LUC7L2: variants seen among roughly 807,000 people sequenced by gnomAD.
LUC7L2 encodes LUC7 like 2, pre-mRNA splicing factor, also known as putative RNA-binding protein Luc7-like 2.
A neutral mutation model predicts 52.8 loss-of-function variants in LUC7L2; 25 were observed. The ratio of observed to expected loss-of-function variants is 0.47; its 90% CI spans 0.34 to 0.66. The LOEUF is 0.66. Ranked by LOEUF, LUC7L2 falls within the 30% of genes least tolerant of loss-of-function variation. LUC7L2 has a pLI of 0.01. For missense variants in LUC7L2, 328 were observed against 497.8 expected, an observed-to-expected ratio of 0.66 and a Z score of 3.25; for synonymous variants, 144 against 160.9, an observed-to-expected ratio of 0.89 and a Z score of 0.80.
intron 4 of LUC7L2, among the ~76,000 whole-genome samples, chr7:139,404,539 CCTT>C (rs1416717123): frequency 2.0e-5 from 3 of 152,224 alleles, no homozygotes; most frequent in East Asian, 3.9e-4. Context: ...AAAATTAAAA[CCTT>C]CTTTGCTAAC....
At chr7:139,360,558 C>A (rs1355698937) in intron 1 of LUC7L2, among the ~76,000 whole-genome samples, 1 of 152,060 alleles carries the variant, frequency 6.6e-6, no homozygotes, top group Non-Finnish European at 1.5e-5. Flanking sequence ...GGCCTGGAGG[C>A]AGAAAGGAGA....
chr7:139,374,546 C>T (rs190670670), intron 1 of LUC7L2: 1 of 1,545,030 alleles, frequency 6.5e-7, no homozygotes, highest in East Asian at 2.4e-5. Context: ...GGAAAAAGGA[C>T]CATCAAAATA....
intron 2 of LUC7L2, among the ~76,000 whole-genome samples, chr7:139,394,245 C>A (rs1794568789): frequency 6.6e-6 from 1 of 152,060 alleles, no homozygotes; most frequent in Non-Finnish European, 1.5e-5. Flanking sequence ...TCTTCTTTGC[C>A]CTCTTTCCTA....
At position 139,412,543 on chromosome 7, in the gene LUC7L2, T is replaced by G. The variant is rs1456704721; in HGVS notation, c.780-8T>G. 9 of 1,602,766 alleles carry G rather than the reference T, an allele frequency of 5.6e-6. No individual in the cohort carries two copies. The highest frequency in any genetic ancestry group is 1.3e-5 in the African/African-American group (1 of 74,100). ...ACTTTTCTAAAAATACATATTTTTT[T>G]TTTTTAGGTCCCGATCACACAGCAA... On this transcript the variant is annotated splice_polypyrimidine_tract_variant and splice_region_variant and intron_variant, in intron 7 of 9. Transcript: ENST00000354926.
intron 3 of LUC7L2, among the ~76,000 whole-genome samples, chr7:139,400,862 C>G (rs948566292): frequency 1.6e-4 from 24 of 152,246 alleles, no homozygotes; most frequent in African/African-American, 5.8e-4. Context: ...TTTATGTTAT[C>G]ACAGATAAAA....
chr7:139,418,212 C>T (rs1795714330), intron 9 of LUC7L2, among the ~76,000 whole-genome samples: 1 of 128,310 alleles, frequency 7.8e-6, no homozygotes, highest in Non-Finnish European at 1.5e-5. Context: ...ATACCTTCAG[C>T]TTGGCAAGGC....
intron 2 of LUC7L2, among the ~76,000 whole-genome samples, chr7:139,395,163 G>A (rs1435791375): frequency 6.6e-6 from 1 of 152,192 alleles, no homozygotes; most frequent in South Asian, 2.1e-4. Context: ...AGTTGTTGGC[G>A]TGATTGATGT....
At chr7:139,389,384 T>A (rs1051036711) in intron 2 of LUC7L2, among the ~76,000 whole-genome samples, 1 of 152,154 alleles carries the variant, frequency 6.6e-6, no homozygotes, top group Non-Finnish European at 1.5e-5. Context: ...CATCCCCTTT[T>A]CCCCCCATCA....
chr7:139,391,280 C>T (rs940554280), intron 2 of LUC7L2, among the ~76,000 whole-genome samples: 3 of 152,098 alleles, frequency 2.0e-5, no homozygotes, highest in African/African-American at 7.2e-5. Flanking sequence ...ATATAAATTC[C>T]ATAATAGTAG....
chr7:139,415,464 A>C (rs1795550625), intron 8 of LUC7L2, among the ~76,000 whole-genome samples: 1 of 152,152 alleles, frequency 6.6e-6, no homozygotes, highest in African/African-American at 2.4e-5. Flanking sequence ...ATAATAACTC[A>C]AAATGAGTGG....
chr7:139,362,640 T>C (rs77939788), intron 1 of LUC7L2, among the ~76,000 whole-genome samples: 1 of 146,162 alleles, frequency 6.8e-6, no homozygotes, highest in Non-Finnish European at 1.5e-5. Flanking sequence ...TTTTTTTTTT[T>C]AATTCCAGAG....
At chr7:139,374,031 A>G (rs1377668915) in intron 1 of LUC7L2, among the ~76,000 whole-genome samples, 2 of 152,254 alleles carry the variant, frequency 1.3e-5, no homozygotes, top group Non-Finnish European at 2.9e-5. Context: ...AAAAGCTTCT[A>G]ATTAAATAGC....
At position 139,371,720 on chromosome 7, in the gene LUC7L2, G is replaced by T. The variant is rs1386123371; in HGVS notation, c.62-4342G>T. On this transcript the variant is annotated intron_variant, in intron 1 of 9. Coordinates refer to ENST00000354926, the MANE Select transcript of LUC7L2 (RefSeq NM_016019.5). ...ATGGCAGTGTTGGGAATGACAGTGG[G>T]CTTATTTTTTCCCTCCTGATATATG... Among the ~76,000 whole-genome samples the T allele has an allele frequency of 3.3e-5, 5 of 152,180 alleles. No individual in the cohort carries two copies. The East Asian group carries it at 9.6e-4, about 29-fold the overall frequency.
At chr7:139,410,024 G>T (rs1243467231) in intron 7 of LUC7L2, among the ~76,000 whole-genome samples, 1 of 152,042 alleles carries the variant, frequency 6.6e-6, no homozygotes, top group African/African-American at 2.4e-5. Context: ...TGGCTAACAC[G>T]GTGAAACCCC....
intron 1 of LUC7L2, among the ~76,000 whole-genome samples, chr7:139,368,417 T>C (rs973898711): frequency 2.0e-5 from 3 of 152,184 alleles, no homozygotes; most frequent in African/African-American, 7.2e-5. Context: ...ACAAATGTTA[T>C]TTCGTATATT....
At chr7:139,385,311 CTTTTTTTTTTT>C (rs58744665) in intron 2 of LUC7L2, among the ~76,000 whole-genome samples, 4 of 118,562 alleles carry the variant, frequency 3.4e-5, no homozygotes, top group South Asian at 2.9e-4. Flanking sequence ...GTTAGGATTA[CTTTTTTTTTTT>C]TTTTTTTTTT....
chr7:139,356,810 G>GGACC (rs1278996575), upstream of LUC7L2, among the ~76,000 whole-genome samples: 2 of 152,100 alleles, frequency 1.3e-5, no homozygotes, highest in Non-Finnish European at 2.9e-5. Flanking sequence ...TTTGGCCTGT[G>GGACC]GACCGTAGCT....
At chr7:139,353,808 A>T (rs976981024) in intron 1 of LUC7L2, among the ~76,000 whole-genome samples, 2 of 151,780 alleles carry the variant, frequency 1.3e-5, no homozygotes, top group Non-Finnish European at 2.9e-5. Context: ...ACCCAAAAAA[A>T]ACAAAGAAAC....
chr7:139,370,747 G>T (rs1477121621), intron 1 of LUC7L2, among the ~76,000 whole-genome samples: 1 of 152,172 alleles, frequency 6.6e-6, no homozygotes, highest in Admixed American at 6.5e-5. Context: ...GAGCCACTGT[G>T]CCCAGTGACA....
Sources: gnomAD v4.1 joint callset for allele counts (sites outside exome capture counted in the v4.1 genomes callset) on GRCh38, gnomAD v4.1.1 for gene constraint, MANE v1.5 for transcripts, NCBI Gene and HGNC (gene_info 2026-07-23, HGNC 2026-07-21) for gene names.